The following LRCH1 variants were observed in gnomAD, a reference collection of about 807,000 sequenced individuals.
LRCH1 encodes the protein leucine-rich repeat and calponin homology domain-containing protein 1.
LRCH1 carries 23 observed loss-of-function variants against 94.9 expected under a neutral mutation model. The ratio of observed to expected loss-of-function variants is 0.24; its 90% confidence interval spans 0.17 to 0.34. The LOEUF is 0.34. Ranked by LOEUF, LRCH1 falls within the 10% of genes least tolerant of loss-of-function variation. The pLI is 1.00. For synonymous variants in LRCH1, 364 were observed against 354.9 expected, an observed-to-expected ratio of 1.03 and a Z score of -0.29; for missense variants, 790 against 945.9, an observed-to-expected ratio of 0.84 and a Z score of 2.16.
chr13:46,704,840 A>G (rs899108055), intron 11 of LRCH1, among the ~76,000 whole-genome samples: 1 of 152,130 alleles, frequency 6.6e-6, no homozygotes, highest in Non-Finnish European at 1.5e-5. Flanking sequence ...ATTATATTAC[A>G]AACAAGTTGG....
exon 19 of LRCH1, chr13:46,750,968 A>G (rs918512793): frequency 1.5e-5 from 3 of 199,310 alleles, no homozygotes; most frequent in Admixed American, 5.9e-5. Flanking sequence ...AACGCCAAGC[A>G]CAACCGTTTT....
chr13:46,692,711 G>T (rs1870966867), intron 8 of LRCH1, 70 bp downstream of exon 8: 1 of 1,114,678 alleles, frequency 9.0e-7, no homozygotes, highest in Non-Finnish European at 1.3e-6. Context: ...AATAACCTGT[G>T]CACAGATAGG....
At chr13:46,665,402 A>G (rs2051501739) in intron 2 of LRCH1, among the ~76,000 whole-genome samples, 1 of 152,236 alleles carries the variant, frequency 6.6e-6, no homozygotes, top group Admixed American at 6.5e-5. Flanking sequence ...AGTGAGGGAT[A>G]GTGGTACTTG....
chr13:46,581,410 A>G (rs1293786451), intron 1 of LRCH1, among the ~76,000 whole-genome samples: 2 of 152,240 alleles, frequency 1.3e-5, no homozygotes, highest in East Asian at 1.9e-4. Context: ...TAGGTGGAAT[A>G]AAAGAAGTGG....
intron 1 of LRCH1, among the ~76,000 whole-genome samples, chr13:46,623,693 G>GTTTTTTTTTTTTTTTTTTTTTTTTTT (rs5803361): frequency 1.6e-5 from 2 of 128,498 alleles, no homozygotes; most frequent in Non-Finnish European, 3.2e-5. Context: ...CCCTGTCTCT[G>GTTTTTTTTTTTTTTTTTTTTTTTTTT]TTTTTTTTTT....
chr13:46,752,604 G>A (rs965334167), exon 19 of LRCH1: 1 of 152,206 alleles, frequency 6.6e-6, no homozygotes, highest in Non-Finnish European at 1.5e-5. Flanking sequence ...TTTGGACAAA[G>A]AGTGTATACA....
At chr13:46,616,069 G>T (rs990376435) in intron 1 of LRCH1, among the ~76,000 whole-genome samples, 10 of 152,204 alleles carry the variant, frequency 6.6e-5, no homozygotes, top group African/African-American at 1.4e-4. Context: ...TTAGAATTAC[G>T]ATGCAGTAAT....
At chr13:46,604,791 C>CA (rs2050669874) in intron 1 of LRCH1, among the ~76,000 whole-genome samples, 1 of 152,222 alleles carries the variant, frequency 6.6e-6, no homozygotes, top group African/African-American at 2.4e-5. Flanking sequence ...ACACTATCTA[C>CA]AGAGTTTTAA....
chr13:46,569,859 C>G (rs2050223129), intron 1 of LRCH1, among the ~76,000 whole-genome samples: 1 of 152,104 alleles, frequency 6.6e-6, no homozygotes, highest in African/African-American at 2.4e-5. Context: ...CAATGACAGA[C>G]CCCAGCTCTC....
intron 3 of LRCH1, among the ~76,000 whole-genome samples, chr13:46,674,764 T>C (rs1472786702): frequency 1.3e-5 from 2 of 152,250 alleles, no homozygotes; most frequent in Non-Finnish European, 2.9e-5. Flanking sequence ...CATGTTTATA[T>C]TTTACAAATA....
intron 7 of LRCH1, 65 bp downstream of exon 7, chr13:46,689,261 ACTC>A: frequency 8.0e-7 from 1 of 1,246,992 alleles, no homozygotes; most frequent in Non-Finnish European, 1.2e-6. Context: ...TGTTCATTGA[ACTC>A]CTTTCTGTTA....
intron 1 of LRCH1, among the ~76,000 whole-genome samples, chr13:46,593,867 A>G (rs1181444361): frequency 6.6e-6 from 1 of 152,226 alleles, no homozygotes; most frequent in Non-Finnish European, 1.5e-5. Flanking sequence ...TGGACCACAA[A>G]TAATGATATA....
intron 19 of LRCH1, among the ~76,000 whole-genome samples, chr13:46,734,229 T>G (rs1873257650): frequency 6.6e-6 from 1 of 152,174 alleles, no homozygotes; most frequent in Non-Finnish European, 1.5e-5. Flanking sequence ...ATTTAAGATT[T>G]TGAAGTAAGT....
chr13:46,591,892 A>C (rs2137963468), intron 1 of LRCH1, among the ~76,000 whole-genome samples: 1 of 152,356 alleles, frequency 6.6e-6, no homozygotes, highest in Admixed American at 6.5e-5. Flanking sequence ...ATCGATTTGC[A>C]ACCTAAGTAT....
intron 13 of LRCH1, among the ~76,000 whole-genome samples, chr13:46,710,444 G>T (rs189591480): frequency 6.6e-6 from 1 of 152,096 alleles, no homozygotes; most frequent in Non-Finnish European, 1.5e-5. Context: ...CATACTTTAG[G>T]TGACTGTCCA....
At chr13:46,589,751 C>T (rs2050478439) in intron 1 of LRCH1, among the ~76,000 whole-genome samples, 3 of 151,894 alleles carry the variant, frequency 2.0e-5, no homozygotes, top group African/African-American at 7.3e-5. Context: ...CTTGTGCCCA[C>T]CAACACGCCC....
In LRCH1 at chr13:46,694,920, A is replaced by C. The variant is rs189730936; in HGVS notation, c.1148A>C (p.Glu383Ala). The change falls in exon 9 of 20, where the codon GAG becomes GCG. Residue 383 changes from glutamate (E) to alanine (A), a missense_variant. Physicochemically the swap from Glu to Ala is moderately radical, Grantham distance 107. Coordinates refer to ENST00000389797, the MANE Select transcript of LRCH1 (RefSeq NM_001164211.2). ...GAATTTCATCAGGAATTTCAACCGG[A>C]GCCTTCCCTTTTGGGTGACAGCACC... ...KGEFHQEFQPEPSLLGDSTNS... is the reference protein window; with the variant it reads ...KGEFHQEFQPAPSLLGDSTNS... 6.2e-7 allele frequency: 1 copy of C among 1,614,186 alleles called. No homozygotes were observed. The highest frequency in any genetic ancestry group is 1.3e-5 in the African/African-American group (1 of 75,064).
chr13:46,742,935 A>G lies in LRCH1; in HGVS notation c.*1087A>G. The G allele has an allele frequency of 1.0e-6, 1 of 985,408 alleles. No individual in the cohort carries two copies. Among genetic ancestry groups the G allele is most frequent in the Non-Finnish European group, 1.2e-6 (1 of 829,878 alleles). The allele number at this position is 985,408 out of a possible 1,614,324, so 61.0% of individuals were successfully genotyped here. ...AGCAAACTGCTTTAAGTCAGCTCAAAGGATTATATAGTAACTATATCTGCA... is the reference window on the plus strand; with the variant it reads ...AGCAAACTGCTTTAAGTCAGCTCAAGGGATTATATAGTAACTATATCTGCA... On this transcript the variant is annotated 3_prime_UTR_variant, in exon 20 of 20. Transcript: ENST00000389797.
intron 15 of LRCH1, among the ~76,000 whole-genome samples, chr13:46,713,445 A>C (rs922136024): frequency 1.3e-5 from 2 of 152,236 alleles, no homozygotes; most frequent in Non-Finnish European, 2.9e-5. Context: ...TAGAGGTTAT[A>C]CATGTGTATA....
Sources: allele counts gnomAD v4.1 joint callset (sites outside exome capture counted in the v4.1 genomes callset), GRCh38; gene constraint gnomAD v4.1.1; transcripts MANE v1.5; gene names NCBI Gene and HGNC (gene_info 2026-07-23, HGNC 2026-07-21).